MAP3K7: variants seen among roughly 807,000 people sequenced by gnomAD.
MAP3K7 encodes the protein TGF-beta activated kinase 1.
MAP3K7 carries 21 observed loss-of-function variants against 84.8 expected under a neutral mutation model. The observed-to-expected ratio is 0.25, with a 90% CI of 0.18 to 0.36. The LOEUF is 0.36. Among genes scored for constraint, MAP3K7 ranks in the 10% least tolerant of loss-of-function variants. The pLI is 1.00. For missense variants in MAP3K7, 503 were observed against 747.7 expected (o/e 0.67, Z 3.82); for synonymous variants, 241 against 247.7 (o/e 0.97, Z 0.25).
intron 11 of MAP3K7, among the ~76,000 whole-genome samples, chr6:90,546,555 CA>C (rs1337583867): frequency 6.6e-6 from 1 of 151,948 alleles, no homozygotes; most frequent in Non-Finnish European, 1.5e-5. Flanking sequence ...AGCAAAAAAC[CA>C]AAAACGTCCA....
At chr6:90,563,843 A>G (rs1443279445) in intron 3 of MAP3K7, among the ~76,000 whole-genome samples, 2 of 152,248 alleles carry the variant, frequency 1.3e-5, no homozygotes, top group Non-Finnish European at 2.9e-5. Context: ...CCACAAAGGG[A>G]AGCCCATCAG....
intron 3 of MAP3K7, among the ~76,000 whole-genome samples, chr6:90,566,277 C>T (rs1458708828): frequency 1.3e-5 from 2 of 151,660 alleles, no homozygotes; most frequent in Admixed American, 6.6e-5. Context: ...TCAAATTGTC[C>T]GTTTGCAGAT....
chr6:90,557,238 T>C (rs1278221937), intron 5 of MAP3K7, among the ~76,000 whole-genome samples: 1 of 152,226 alleles, frequency 6.6e-6, no homozygotes, highest in African/African-American at 2.4e-5. Context: ...CTAGGTGTAC[T>C]ATTACCCAAC....
intron 2 of MAP3K7, among the ~76,000 whole-genome samples, chr6:90,571,292 T>A (rs1776892088): frequency 6.6e-6 from 1 of 152,140 alleles, no homozygotes. Flanking sequence ...AAAATCAAAT[T>A]TGAAATAATT....
At chr6:90,532,804 A>T (rs1165210230) in intron 13 of MAP3K7, among the ~76,000 whole-genome samples, 1 of 152,246 alleles carries the variant, frequency 6.6e-6, no homozygotes, top group African/African-American at 2.4e-5. Flanking sequence ...ATGATATGAT[A>T]CAGCTACAAT....
At chr6:90,541,050 G>A (rs1775840708) in intron 12 of MAP3K7, among the ~76,000 whole-genome samples, 1 of 151,700 alleles carries the variant, frequency 6.6e-6, no homozygotes, top group African/African-American at 2.4e-5. Flanking sequence ...AAAAAGTAAA[G>A]AAAATCCATG....
intron 4 of MAP3K7, among the ~76,000 whole-genome samples, chr6:90,560,915 A>G (rs1776491640): frequency 6.6e-6 from 1 of 152,198 alleles, no homozygotes; most frequent in Admixed American, 6.5e-5. Flanking sequence ...AATGTATATC[A>G]AGATGTTTGC....
intron 13 of MAP3K7, among the ~76,000 whole-genome samples, chr6:90,528,322 T>C (rs893011247): frequency 5.3e-5 from 8 of 152,158 alleles, no homozygotes; most frequent in Admixed American, 1.3e-4. Flanking sequence ...TCAACATATA[T>C]ACAAACACTC....
rs1301558140 is a variant in MAP3K7 at position 90,519,184 on chromosome 6, G to A, written c.1524+74C>T. 3.2e-6 allele frequency: 3 copies of A among 933,500 alleles called. No individual in the cohort carries two copies. The African/African-American group carries it at 5.1e-5, about 16-fold the overall frequency. The allele number at this position is 933,500 out of a possible 1,614,324, so 57.8% of individuals were successfully genotyped here. On this transcript the variant is annotated intron_variant, in intron 15 of 16. Coordinates refer to ENST00000369329, the MANE Select transcript of MAP3K7 (RefSeq NM_145331.3). Reference sequence around the variant, plus strand: ...TTAAGGAGTGACTATACAATGACAGGTAGCAACACAATTGTCAACTTAAAC... The same window carrying A: ...TTAAGGAGTGACTATACAATGACAGATAGCAACACAATTGTCAACTTAAAC...
At chr6:90,571,676 A>G in intron 2 of MAP3K7, 21 bp downstream of exon 2, 1 of 1,442,358 alleles carries the variant, frequency 6.9e-7, no homozygotes, top group Non-Finnish European at 9.5e-7. Flanking sequence ...ACTACACAAA[A>G]GAAATGAAAT....
intron 9 of MAP3K7, among the ~76,000 whole-genome samples, chr6:90,550,178 A>G (rs964891711): frequency 6.6e-6 from 1 of 152,136 alleles, no homozygotes; most frequent in Non-Finnish European, 1.5e-5. Flanking sequence ...GTATGCATGT[A>G]AAAGTGATTT....
At chr6:90,556,759 A>C in intron 5 of MAP3K7, 135 bp from the exon 6 acceptor site, 1 of 847,700 alleles carries the variant, frequency 1.2e-6, no homozygotes, top group Non-Finnish European at 1.7e-6. Context: ...TGAAATGACT[A>C]ATTTACTTGG....
In MAP3K7 at chr6:90,519,299, A is replaced by G; in HGVS notation, c.1483T>C (p.Ser495Pro). The change falls in exon 15 of 17, where the codon TCC (serine) becomes CCC (proline). Residue 495 changes from serine to proline, a missense_variant. Ser to Pro is a moderately conservative substitution (Grantham distance 74). This residue lies in a region of MAP3K7 where 286 missense variants were observed against 313.6 expected (regional missense o/e 0.91). Coordinates refer to ENST00000369329, the MANE Select transcript of MAP3K7 (RefSeq NM_145331.3). ...DSTDTNGSDN[S>P]IPMAYLTLDH... ...AGTGTAAGATAAGCCATTGGGATGG[A>G]GTTATCTGATCCATTGGTATCTGGA... is the stretch of plus-strand genomic sequence containing the variant. 1 of 1,583,760 alleles carries G rather than the reference A, an allele frequency of 6.3e-7. No homozygotes were observed. The highest frequency in any genetic ancestry group is 8.6e-7 in the Non-Finnish European group (1 of 1,167,032).
intron 12 of MAP3K7, chr6:90,542,253 T>A: frequency 1.0e-6 from 1 of 984,434 alleles, no homozygotes; most frequent in Non-Finnish European, 1.2e-6. Context: ...ACATTACCTA[T>A]GAGCACATTC....
intron 9 of MAP3K7, 90 bp downstream of exon 9, chr6:90,550,378 G>A (rs1038219956): frequency 8.7e-6 from 7 of 801,890 alleles, no homozygotes; most frequent in African/African-American, 1.7e-5. Flanking sequence ...ATGCAAATGG[G>A]GACATTATTC....
rs1244687177 is a variant in MAP3K7, at chr6:90,523,840, CGA to C, written c.1357-59_1357-58del. The C allele has an allele frequency of 3.8e-6, 4 of 1,042,128 alleles. No individual in the cohort carries two copies. The African/African-American group carries it at 4.7e-5, about 12-fold the overall frequency. 64.6% of individuals were successfully genotyped at this position (1,042,128 alleles called of 1,614,324 possible). A position where few individuals can be genotyped will look rare whatever the true frequency, so the allele number is the denominator to read the frequency against. Reference sequence around the variant, plus strand: ...GTGATTTTTTGATTAAAAAAAATGACGAGAACGTTTCCATTAAAAGGCAAGAA... The same window carrying C: ...GTGATTTTTTGATTAAAAAAAATGACGAACGTTTCCATTAAAAGGCAAGAA... On this transcript the variant is annotated intron_variant, in intron 13 of 16. Transcript: ENST00000369329.
rs1055036352 is a variant in MAP3K7 at position 90,553,702 on chromosome 6, T to C, written c.608-116A>G. The C allele has an allele frequency of 5.3e-6, 4 of 761,656 alleles. No homozygotes were observed. In the African/African-American group the frequency reaches 7.1e-5, roughly 14 times the overall value. 47.2% of individuals were successfully genotyped at this position (761,656 alleles called of 1,614,324 possible). A position where few individuals can be genotyped will look rare whatever the true frequency, so the allele number is the denominator to read the frequency against. ...GGGATAAAAATGAGGCTGTCACATG[T>C]AGAACTAAGAAACTACTCTTTCTGA... is the stretch of plus-strand genomic sequence containing the variant. On this transcript the variant is annotated intron_variant, in intron 6 of 16. Coordinates refer to ENST00000369329, the MANE Select transcript of MAP3K7 (RefSeq NM_145331.3).
At position 90,544,555 on chromosome 6, in the gene MAP3K7, A is replaced by T. The variant is rs777451903; in HGVS notation, c.1288T>A (p.Ser430Thr). Residue 430 changes from serine to threonine, a missense_variant, in exon 12 of 17, where the codon TCA (serine) becomes ACA (threonine). Physicochemically the swap from Ser to Thr is moderately conservative, Grantham distance 58. Transcript: ENST00000369329. ...NILDVPEIVI[S>T]GNGQPRRRSI... ...CAACTCAGGTGGTCTATGATACCTG[A>T]TATGACGATCTCAGGGACATCCAGA... 6.2e-7 allele frequency: 1 copy of T among 1,612,288 alleles called. No homozygotes were observed. The highest frequency in any genetic ancestry group is 8.5e-7 in the Non-Finnish European group (1 of 1,178,758).
chr6:90,542,985 G>A (rs1339572240), intron 12 of MAP3K7, among the ~76,000 whole-genome samples: 3 of 151,834 alleles, frequency 2.0e-5, no homozygotes, highest in South Asian at 4.2e-4. Flanking sequence ...CGTGGGCTAC[G>A]CTGCCATATA....
Sources: gnomAD v4.1 joint callset for allele counts (sites outside exome capture counted in the v4.1 genomes callset) on GRCh38, gnomAD v4.1.1 for gene constraint, gnomAD v4.1.1 regional missense constraint, MANE v1.5 for transcripts, NCBI Gene and HGNC (gene_info 2026-07-23, HGNC 2026-07-21) for gene names.